Variants in CADPS observed in about 807,000 individuals in gnomAD.
CADPS encodes calcium dependent secretion activator.
In CADPS, 57 loss-of-function variants were observed where a neutral mutation model predicts 167.3. That is an observed-to-expected ratio of 0.34 (90% CI 0.28 to 0.42). The LOEUF (loss-of-function observed/expected upper bound fraction) is 0.42, where lower values mean the gene tolerates loss of function less well. Among genes scored for constraint, CADPS ranks in the 20% least tolerant of loss-of-function variants. The pLI is 1.00. For missense variants in CADPS, 1,414 were observed against 1,738.1 expected (o/e 0.81, Z 3.32); for synonymous variants, 676 against 635.3 (o/e 1.06, Z -0.96).
chr3:62,705,549 G>T (rs951871424), intron 3 of CADPS, among the ~76,000 whole-genome samples: 1 of 152,122 alleles, frequency 6.6e-6, no homozygotes, highest in Non-Finnish European at 1.5e-5. Context: ...CAATCTGGGT[G>T]GGCACAATAG....
At chr3:62,461,841 C>T (rs529660377) in intron 26 of CADPS, among the ~76,000 whole-genome samples, 1 of 152,318 alleles carries the variant, frequency 6.6e-6, no homozygotes, top group East Asian at 1.9e-4. Flanking sequence ...TGCCTGTCTC[C>T]TTTACTAAAT....
At chr3:62,871,982 A>G (rs189606991) in intron 1 of CADPS, among the ~76,000 whole-genome samples, 115 of 152,286 alleles carry the variant, frequency 7.6e-4, no homozygotes, top group African/African-American at 2.7e-3. Flanking sequence ...GAGTATTGTG[A>G]TATAGATTAT....
intron 1 of CADPS, among the ~76,000 whole-genome samples, chr3:62,837,557 C>T (rs1331274840): frequency 1.3e-5 from 2 of 152,136 alleles, no homozygotes; most frequent in Non-Finnish European, 2.9e-5. Flanking sequence ...CTCAGTGTTC[C>T]TCCCTCCCCT....
chr3:62,589,205 T>C (rs1306866802), intron 7 of CADPS, among the ~76,000 whole-genome samples: 3 of 152,200 alleles, frequency 2.0e-5, no homozygotes, highest in Non-Finnish European at 4.4e-5. Context: ...AATTCGAGCA[T>C]AGAAACACTC....
At chr3:62,714,314 T>C (rs550347393) in intron 3 of CADPS, among the ~76,000 whole-genome samples, 1 of 152,240 alleles carries the variant, frequency 6.6e-6, no homozygotes, top group Admixed American at 6.5e-5. Flanking sequence ...TCATGGTTAA[T>C]TCATTGCTCA....
chr3:62,574,848 T>C (rs6786550), intron 8 of CADPS, among the ~76,000 whole-genome samples: 77,548 of 152,094 alleles, frequency 0.51, 22,417 homozygotes, highest in East Asian at 0.69. Flanking sequence ...GAAGTAGGTG[T>C]ACAATAAATG....
intron 1 of CADPS, among the ~76,000 whole-genome samples, chr3:62,837,481 A>G (rs567985296): frequency 6.6e-6 from 1 of 152,354 alleles, no homozygotes; most frequent in African/African-American, 2.4e-5. Context: ...TGGAGAAAGC[A>G]TAGCCGTGGA....
intron 1 of CADPS, among the ~76,000 whole-genome samples, chr3:62,802,628 A>C (rs775403991): frequency 1.3e-5 from 2 of 152,142 alleles, no homozygotes; most frequent in Non-Finnish European, 2.9e-5. Flanking sequence ...GGTGGTTTCA[A>C]AGTGAAAAGA....
At chr3:62,698,501 A>G (rs942449505) in intron 3 of CADPS, among the ~76,000 whole-genome samples, 2 of 152,014 alleles carry the variant, frequency 1.3e-5, no homozygotes, top group Non-Finnish European at 2.9e-5. Context: ...CTTTCTGGTA[A>G]ACATCAGCTG....
At position 62,602,574 on chromosome 3, in the gene CADPS, G is replaced by T. The variant is rs748218497; in HGVS notation, c.1326-9826C>A. On this transcript the variant is annotated intron_variant, in intron 6 of 29. Transcript: ENST00000383710. This position sits in a 1 kb window ranked among gnomAD's most constrained non-coding sequence, Gnocchi z 4.4. ...ATATTCCACTCCAAGGGAATCAATT[G>T]TGCCATCGCAGTGTGTCTCATGCAA... 6.6e-6 allele frequency among the ~76,000 whole-genome samples: 1 copy of T among 152,162 alleles called. No homozygotes were observed. Among genetic ancestry groups the T allele is most frequent in the Non-Finnish European group, 1.5e-5 (1 of 68,040 alleles).
intron 3 of CADPS, among the ~76,000 whole-genome samples, chr3:62,735,417 C>T (rs927032065): frequency 3.3e-5 from 5 of 152,130 alleles, no homozygotes; most frequent in Non-Finnish European, 5.9e-5. Context: ...ACTTCAACTG[C>T]ACCACTACAT....
chr3:62,670,081 T>A (rs1285008294), intron 3 of CADPS, among the ~76,000 whole-genome samples: 1 of 152,202 alleles, frequency 6.6e-6, no homozygotes, highest in Non-Finnish European at 1.5e-5. Flanking sequence ...CTGTGACACA[T>A]ATTCACTGTA....
chr3:62,631,333 C>G (rs1413576655), intron 6 of CADPS, among the ~76,000 whole-genome samples: 1 of 152,090 alleles, frequency 6.6e-6, no homozygotes, highest in African/African-American at 2.4e-5. Context: ...CTTTGGTGCC[C>G]TGATCACGGA....
At chr3:62,583,171 C>CTCTCTG (rs1553945763) in intron 8 of CADPS, among the ~76,000 whole-genome samples, 2 of 151,158 alleles carry the variant, frequency 1.3e-5, no homozygotes, top group Admixed American at 6.9e-5. Context: ...CTCTCTCTCT[C>CTCTCTG]TCTCTCTCTC....
intron 1 of CADPS, among the ~76,000 whole-genome samples, chr3:62,800,501 T>C (rs2093696369): frequency 6.6e-6 from 1 of 152,136 alleles, no homozygotes; most frequent in African/African-American, 2.4e-5. Flanking sequence ...AAACTAAATT[T>C]ACTGGGAAGA....
intron 2 of CADPS, among the ~76,000 whole-genome samples, chr3:62,762,134 T>C (rs2085621173): frequency 6.6e-6 from 1 of 152,178 alleles, no homozygotes; most frequent in Non-Finnish European, 1.5e-5. Context: ...CTTTCATTTA[T>C]TAAAAGATGA....
intron 9 of CADPS, among the ~76,000 whole-genome samples, chr3:62,558,717 G>A (rs1451284123): frequency 1.3e-5 from 2 of 152,172 alleles, no homozygotes; most frequent in African/African-American, 2.4e-5. Flanking sequence ...GCAGGAGGAT[G>A]TTTTTGGTAG....
At chr3:62,551,134 A>G (rs1002789996) in intron 10 of CADPS, among the ~76,000 whole-genome samples, 3 of 152,116 alleles carry the variant, frequency 2.0e-5, no homozygotes, top group Non-Finnish European at 4.4e-5. Flanking sequence ...CCTGGACTCC[A>G]GACTTGAATA....
chr3:62,698,003 T>C (rs772556460), intron 3 of CADPS, among the ~76,000 whole-genome samples: 1 of 152,078 alleles, frequency 6.6e-6, no homozygotes, highest in Non-Finnish European at 1.5e-5. Flanking sequence ...TAGTCCTTTG[T>C]CAGATGTATA....
Sources: gnomAD v4.1 joint callset for allele counts (sites outside exome capture counted in the v4.1 genomes callset) on GRCh38, gnomAD v4.1.1 for gene constraint, Gnocchi (gnomAD v3.1) non-coding constraint, MANE v1.5 for transcripts, NCBI Gene and HGNC (gene_info 2026-07-23, HGNC 2026-07-21) for gene names.